Variants in TNFAIP8 observed in about 807,000 individuals in gnomAD.
TNFAIP8 encodes TNF alpha induced protein 8.
In TNFAIP8, 7 loss-of-function variants were observed where a neutral mutation model predicts 13.3. The observed-to-expected ratio is 0.52, with a 90% CI of 0.30 to 0.99. The LOEUF is 0.99. TNFAIP8 is among the 50% of genes least tolerant of loss of function. The pLI is 0.07. For synonymous variants in TNFAIP8, 94 were observed against 87.6 expected (o/e 1.07, Z -0.41); for missense variants, 258 against 236.9 (o/e 1.09, Z -0.58).
chr5:119,296,673 A>G lies in TNFAIP8; in HGVS notation c.1+27766A>G, dbSNP rs576240682. On this transcript the variant is annotated intron_variant, in intron 1 of 1. Transcript: ENST00000274456. ...ATTAGGGAGGATTCCCTCTTTTTCTATTGATTGGAATAGCTTCAGAAGGAA... is the reference window on the plus strand; with the variant it reads ...ATTAGGGAGGATTCCCTCTTTTTCTGTTGATTGGAATAGCTTCAGAAGGAA... 1.8e-3 allele frequency among the ~76,000 whole-genome samples: 275 copies of G among 152,148 alleles called. 1 individual carries two copies. Among genetic ancestry groups the G allele is most frequent in the Non-Finnish European group, 2.7e-3 (187 of 68,008 alleles).
chr5:119,303,849 C>T lies in TNFAIP8; in HGVS notation c.1+34942C>T, dbSNP rs1245352878. On this transcript the variant is annotated intron_variant, in intron 1 of 1. Coordinates refer to the TNFAIP8 transcript ENST00000274456. ...AACAGCCACACTTAGTTTCTAGAACCTTGTGCGATAGCTCCCCACTATTGT... is the reference window on the plus strand; with the variant it reads ...AACAGCCACACTTAGTTTCTAGAACTTTGTGCGATAGCTCCCCACTATTGT... 3.3e-5 allele frequency among the ~76,000 whole-genome samples: 5 copies of T among 152,158 alleles called. 1 individual carries two copies. Among genetic ancestry groups the T allele is most frequent in the Admixed American group, 3.3e-4 (5 of 15,280 alleles).
chr5:119,369,596 A>G (rs1029688550), intron 1 of TNFAIP8, among the ~76,000 whole-genome samples: 6 of 152,198 alleles, frequency 3.9e-5, no homozygotes, highest in African/African-American at 1.4e-4. Context: ...GAGATTCATA[A>G]ATCATCCATA....
At chr5:119,319,112 A>G (rs567509726) in intron 1 of TNFAIP8, among the ~76,000 whole-genome samples, 84 of 152,298 alleles carry the variant, frequency 5.5e-4, no homozygotes, top group African/African-American at 1.9e-3. Flanking sequence ...TTATAATTGC[A>G]TTAAAAGTAT....
At chr5:119,335,057 G>T (rs1347775474) in intron 1 of TNFAIP8, among the ~76,000 whole-genome samples, 1 of 152,132 alleles carries the variant, frequency 6.6e-6, no homozygotes, top group Non-Finnish European at 1.5e-5. Context: ...GCAAGGTTGT[G>T]CGTGCCAAGC....
In TNFAIP8 at chr5:119,370,528, G is replaced by A. The variant is rs186504968; in HGVS notation, c.31+14407G>A. On this transcript the variant is annotated intron_variant, in intron 1 of 1. Coordinates refer to ENST00000504771, the MANE Select transcript of TNFAIP8 (RefSeq NM_014350.4). ...GCCTGGAAGTTCTATAAAATAATGG[G>A]TAATAAAGGCAAGCTATTAGTCAAA... Among the ~76,000 whole-genome samples, 3 of 152,282 alleles carry A rather than the reference G, an allele frequency of 2.0e-5. No homozygotes were observed. In the East Asian group the frequency reaches 5.8e-4, roughly 29 times the overall value.
At chr5:119,357,487 T>C (rs1317993742) in intron 1 of TNFAIP8, among the ~76,000 whole-genome samples, 1 of 152,170 alleles carries the variant, frequency 6.6e-6, no homozygotes, top group Non-Finnish European at 1.5e-5. Context: ...AAGTAGCACT[T>C]AAGCTGGCGT....
intron 1 of TNFAIP8, among the ~76,000 whole-genome samples, chr5:119,289,290 CA>C (rs1748911834): frequency 6.9e-6 from 1 of 145,898 alleles, no homozygotes; most frequent in East Asian, 1.9e-4. Flanking sequence ...AAAGAACTGC[CA>C]AAAGATTGGT....
intron 1 of TNFAIP8, among the ~76,000 whole-genome samples, chr5:119,272,555 C>T (rs1180269187): frequency 6.6e-6 from 1 of 152,266 alleles, no homozygotes; most frequent in Non-Finnish European, 1.5e-5. Context: ...CTGCCAACAT[C>T]TGTTTCAAAT....
chr5:119,306,755 A>G (rs913233903), intron 1 of TNFAIP8: 23 of 152,178 alleles, frequency 1.5e-4, no homozygotes, highest in African/African-American at 5.3e-4. Flanking sequence ...TTAGGAGCCT[A>G]GAATGGTTTA....
At chr5:119,315,065 G>T (rs1561997027) in intron 1 of TNFAIP8, among the ~76,000 whole-genome samples, 2 of 145,828 alleles carry the variant, frequency 1.4e-5, no homozygotes, top group Admixed American at 1.3e-4. Flanking sequence ...TGTGTGTGTG[G>T]TTTTTTGTTT....
intron 1 of TNFAIP8, among the ~76,000 whole-genome samples, chr5:119,287,908 TAGG>T (rs138712434): frequency 2.2e-3 from 342 of 152,340 alleles, no homozygotes; most frequent in African/African-American, 7.9e-3. Flanking sequence ...GAGGAATTTT[TAGG>T]AGGAGACCAG....
At chr5:119,301,474 T>A (rs1218906226) in intron 1 of TNFAIP8, among the ~76,000 whole-genome samples, 1 of 152,192 alleles carries the variant, frequency 6.6e-6, no homozygotes, top group Non-Finnish European at 1.5e-5. Flanking sequence ...GCTGCTTCTT[T>A]CCCTGGGTTT....
chr5:119,361,469 G>A (rs777526909), intron 1 of TNFAIP8, among the ~76,000 whole-genome samples: 105 of 152,164 alleles, frequency 6.9e-4, no homozygotes, highest in Non-Finnish European at 1.3e-3. Context: ...GAGGAGTTGT[G>A]TTTATGTGGA....
upstream of TNFAIP8, chr5:119,355,853 G>C (rs981470292): frequency 2.8e-6 from 3 of 1,086,374 alleles, no homozygotes; most frequent in African/African-American, 1.7e-5. Context: ...GCCCGAGCGC[G>C]CGGCTCCGGG....
At position 119,365,816 on chromosome 5, in the gene TNFAIP8, A is replaced by G. The variant is rs76242641; in HGVS notation, c.31+9695A>G. 2.6e-4 allele frequency among the ~76,000 whole-genome samples: 39 copies of G among 152,356 alleles called. No homozygotes were observed. In the East Asian group the frequency reaches 6.9e-3, roughly 27 times the overall value. On this transcript the variant is annotated intron_variant, in intron 1 of 1. Coordinates refer to ENST00000504771, the MANE Select transcript of TNFAIP8 (RefSeq NM_014350.4). ...CACAAGTCTAAACATTCGACTCAAC[A>G]TCTTCAGAAGAAAAGAGAATTAAAG...
intron 1 of TNFAIP8, among the ~76,000 whole-genome samples, chr5:119,313,841 G>A (rs1195086850): frequency 1.3e-5 from 2 of 152,218 alleles, no homozygotes; most frequent in African/African-American, 4.8e-5. Flanking sequence ...ATCTCACTTA[G>A]CTTTTGAATT....
At chr5:119,324,635 C>T (rs991619921) in intron 1 of TNFAIP8, among the ~76,000 whole-genome samples, 1 of 152,018 alleles carries the variant, frequency 6.6e-6, no homozygotes, top group African/African-American at 2.4e-5. Flanking sequence ...ATCCTCTCTG[C>T]TATGCCTTGT....
At chr5:119,353,666 G>A (rs537768589), upstream of TNFAIP8, among the ~76,000 whole-genome samples, 7 of 109,446 alleles carry the variant, frequency 6.4e-5, no homozygotes, top group Non-Finnish European at 8.2e-5. Flanking sequence ...CTGACGGAGC[G>A]CTTGAACTAT....
upstream of TNFAIP8, chr5:119,355,894 A>G (rs1389098838): frequency 3.3e-6 from 4 of 1,205,558 alleles, no homozygotes; most frequent in South Asian, 1.9e-5. Flanking sequence ...CTGACACGCG[A>G]TTCGTCACTC....
Sources: allele counts gnomAD v4.1 joint callset (sites outside exome capture counted in the v4.1 genomes callset), GRCh38; gene constraint gnomAD v4.1.1; transcripts MANE v1.5; gene names NCBI Gene and HGNC (gene_info 2026-07-23, HGNC 2026-07-21).